DPP6: variants seen among roughly 807,000 people sequenced by gnomAD.
DPP6 encodes A-type potassium channel modulatory protein DPP6.
Under a neutral mutation model 122.6 loss-of-function variants are expected in DPP6, and 69 were observed. The observed-to-expected ratio is 0.56, with a 90% confidence interval of 0.46 to 0.69. The LOEUF is 0.69. Ranked by LOEUF, DPP6 falls within the 30% of genes least tolerant of loss-of-function variation. The pLI is 0.00. For synonymous variants in DPP6, 418 were observed against 433.1 expected (o/e 0.97, Z 0.43); for missense variants, 928 against 1,116.9 (o/e 0.83, Z 2.41).
intron 1 of DPP6, among the ~76,000 whole-genome samples, chr7:154,190,960 A>C (rs910932748): frequency 1.8e-4 from 28 of 152,322 alleles, no homozygotes; most frequent in African/African-American, 6.5e-4. Context: ...TTATTTTATA[A>C]AAGGAAAAGT....
the DPP6 span, among the ~76,000 whole-genome samples, chr7:153,857,403 A>G: frequency 6.8e-6 from 1 of 147,028 alleles, no homozygotes; most frequent in African/African-American, 2.5e-5. Flanking sequence ...GCTATGGTCA[A>G]CATTTAAAGT....
chr7:154,582,069 G>A (rs1417369725), intron 5 of DPP6, among the ~76,000 whole-genome samples: 4 of 152,164 alleles, frequency 2.6e-5, no homozygotes, highest in South Asian at 2.1e-4. Flanking sequence ...CTCACTGTGA[G>A]CAAATACATA....
At chr7:154,599,051 T>C (rs201197710) in intron 5 of DPP6, among the ~76,000 whole-genome samples, 1 of 152,182 alleles carries the variant, frequency 6.6e-6, no homozygotes, top group Non-Finnish European at 1.5e-5. Context: ...AGCTGGGTGA[T>C]AACTGCACTT....
In DPP6 at chr7:154,719,983, C is replaced by T. The variant is rs1195917614; in HGVS notation, c.763-7784C>T. On this transcript the variant is annotated intron_variant, in intron 7 of 25. Transcript: ENST00000377770. ...GTCCAACCTCCCTTATCCTCTCCCC[C>T]ATGCTCCTGCATCTGCTTCCCAGAA... Among the ~76,000 whole-genome samples the T allele has an allele frequency of 3.3e-5, 5 of 152,274 alleles. No individual in the cohort carries two copies. The East Asian group carries it at 7.7e-4, about 24-fold the overall frequency.
At chr7:153,850,923 A>G in the DPP6 span, among the ~76,000 whole-genome samples, 1 of 152,294 alleles carries the variant, frequency 6.6e-6, no homozygotes, top group East Asian at 1.9e-4. Context: ...ACAAGTGCAT[A>G]TGTCCCAGGA....
At chr7:153,843,327 CAA>C in the DPP6 span, among the ~76,000 whole-genome samples, 3 of 152,154 alleles carry the variant, frequency 2.0e-5, no homozygotes, top group Non-Finnish European at 4.4e-5. Context: ...CAAAAGCTAA[CAA>C]AGAGTTTCTG....
intron 3 of DPP6, among the ~76,000 whole-genome samples, chr7:154,489,056 G>A (rs1023188725): frequency 1.3e-5 from 2 of 152,184 alleles, no homozygotes; most frequent in African/African-American, 4.8e-5. Context: ...TGAACAGCAC[G>A]GCTTGCTCTT....
chr7:154,521,780 G>A (rs1036336251), intron 3 of DPP6, among the ~76,000 whole-genome samples: 1 of 152,140 alleles, frequency 6.6e-6, no homozygotes, highest in African/African-American at 2.4e-5. Context: ...TCCACAGAAT[G>A]TAATAACCCT....
chr7:154,166,101 T>G (rs28373177), intron 1 of DPP6, among the ~76,000 whole-genome samples: 10,828 of 152,118 alleles, frequency 0.071, 1,275 homozygotes, highest in African/African-American at 0.24. Flanking sequence ...GCTTCCTCAC[T>G]GGGATGTGGA....
At chr7:153,995,352 C>T (rs545658207) in intron 1 of DPP6, among the ~76,000 whole-genome samples, 2 of 152,122 alleles carry the variant, frequency 1.3e-5, no homozygotes, top group Admixed American at 6.5e-5. Context: ...TTTGGGAGGC[C>T]GAGGCGGGTG....
At position 154,625,182 on chromosome 7, in the gene DPP6, A is replaced by C. The variant is rs556054914; in HGVS notation, c.628-12639A>C. Among the ~76,000 whole-genome samples, 5 of 152,342 alleles carry C rather than the reference A, an allele frequency of 3.3e-5. No homozygotes were observed. In the South Asian group the frequency reaches 1.0e-3, roughly 32 times the overall value. ...TGTGCACGTGGGGCAGAATGTTGACATCCAAGTGGGCATGGTAAGCAGCTG... is the reference window on the plus strand; with the variant it reads ...TGTGCACGTGGGGCAGAATGTTGACCTCCAAGTGGGCATGGTAAGCAGCTG... On this transcript the variant is annotated intron_variant, in intron 5 of 25. Transcript: ENST00000377770.
intron 6 of DPP6, among the ~76,000 whole-genome samples, chr7:154,647,439 C>T (rs1426313041): frequency 6.8e-6 from 1 of 147,972 alleles, no homozygotes; most frequent in African/African-American, 2.5e-5. Context: ...CTCAGATTAA[C>T]CATGTTCTTG....
chr7:154,003,465 A>G (rs1298567146), intron 1 of DPP6, among the ~76,000 whole-genome samples: 2 of 152,106 alleles, frequency 1.3e-5, no homozygotes, highest in African/African-American at 4.8e-5. Flanking sequence ...CGTGTGTGAC[A>G]CTCTCCTAAC....
chr7:154,133,229 G>T (rs1795378308), intron 1 of DPP6, among the ~76,000 whole-genome samples: 3 of 152,176 alleles, frequency 2.0e-5, no homozygotes, highest in Admixed American at 2.0e-4. Flanking sequence ...CACATAGCTG[G>T]TCAGCAGAGC....
Position 153,906,010 on chromosome 7 carries a change from G to T in DPP6, c.51+18276G>T, listed in dbSNP as rs1053908889. On this transcript the variant is annotated intron_variant, in intron 1 of 25. Coordinates refer to the DPP6 transcript ENST00000404039. The stretch of plus-strand genomic sequence containing the variant: ...AAATAAACCAAGGAGACAAACGGAA[G>T]TGTTACACAGGTATTTTTCTTTATA... Among the ~76,000 whole-genome samples the T allele has an allele frequency of 2.0e-5, 3 of 152,194 alleles. No individual in the cohort carries two copies. The South Asian group carries it at 6.2e-4, about 31-fold the overall frequency.
At chr7:153,929,121 GC>G (rs1200883357) in intron 1 of DPP6, among the ~76,000 whole-genome samples, 2 of 152,168 alleles carry the variant, frequency 1.3e-5, no homozygotes, top group Non-Finnish European at 2.9e-5. Flanking sequence ...TGATGGGACT[GC>G]CCTGTCTGCT....
Position 154,821,532 on chromosome 7 carries a change from C to T in DPP6, c.1666+14420C>T, listed in dbSNP as rs1799758540. Among the ~76,000 whole-genome samples, 1 of 151,414 alleles carries T rather than the reference C, an allele frequency of 6.6e-6. No individual in the cohort carries two copies. Among genetic ancestry groups the T allele is most frequent in the Non-Finnish European group, 1.5e-5 (1 of 67,948 alleles). ...TCCTACTTATCCAGCCTCGTAATGA[C>T]ACTACTCCTCTATCAGAGCTTTCAA... On this transcript the variant is annotated intron_variant, in intron 16 of 25. Transcript: ENST00000377770. The surrounding 1 kb of genome is among the most constrained non-coding windows in gnomAD (Gnocchi z 4.2).
the DPP6 span, among the ~76,000 whole-genome samples, chr7:153,875,599 C>T: frequency 2.0e-5 from 3 of 151,828 alleles, no homozygotes; most frequent in Non-Finnish European, 4.4e-5. Flanking sequence ...TTAATTAATG[C>T]AACTATCAAC....
intron 2 of DPP6, among the ~76,000 whole-genome samples, chr7:154,449,513 G>T (rs1820169145): frequency 6.6e-6 from 1 of 152,114 alleles, no homozygotes; most frequent in Admixed American, 6.6e-5. Context: ...GGCCTCTGTG[G>T]AAAATAGTTC....
Sources: allele counts gnomAD v4.1 joint callset (sites outside exome capture counted in the v4.1 genomes callset), GRCh38; gene constraint gnomAD v4.1.1; non-coding constraint Gnocchi (gnomAD v3.1); transcripts MANE v1.5; gene names NCBI Gene and HGNC (gene_info 2026-07-23, HGNC 2026-07-21).